Variants in SPATA6 observed in about 807,000 individuals in gnomAD.
The protein encoded by SPATA6 is spermatogenesis associated 6, also known as spermatogenesis-associated protein 6.
A neutral mutation model predicts 65.3 loss-of-function variants in SPATA6; 56 were observed. The ratio of observed to expected loss-of-function variants is 0.86; its 90% CI spans 0.69 to 1.07. SPATA6 has a LOEUF of 1.07. SPATA6 is among the 50% of genes least tolerant of loss of function. SPATA6 has a pLI of 0.00. For synonymous variants in SPATA6, 199 were observed against 213.2 expected (o/e 0.93, Z 0.58); for missense variants, 590 against 594.8 (o/e 0.99, Z 0.08).
intron 8 of SPATA6, among the ~76,000 whole-genome samples, chr1:48,387,613 G>C (rs1290442072): frequency 6.6e-6 from 1 of 152,106 alleles, no homozygotes; most frequent in Non-Finnish European, 1.5e-5. Flanking sequence ...GCCAGCACTT[G>C]TTCACATCAT....
chr1:48,323,139 G>A (rs886995878), intron 11 of SPATA6, among the ~76,000 whole-genome samples: 3 of 152,042 alleles, frequency 2.0e-5, no homozygotes, highest in African/African-American at 2.4e-5. Flanking sequence ...CTGCAGCACT[G>A]TTCATAAGAG....
intron 1 of SPATA6, among the ~76,000 whole-genome samples, chr1:48,462,204 G>T (rs1413105543): frequency 6.6e-6 from 1 of 151,734 alleles, no homozygotes; most frequent in Non-Finnish European, 1.5e-5. Flanking sequence ...TGGGGTGGGG[G>T]GAGCGGGGAG....
At chr1:48,436,776 C>T in intron 3 of SPATA6, 1 of 1,614,164 alleles carries the variant, frequency 6.2e-7, no homozygotes, top group East Asian at 2.2e-5. Context: ...CTTTCCAGGA[C>T]ATGCATAGAA....
the SPATA6 span, among the ~76,000 whole-genome samples, chr1:48,276,799 T>C: frequency 2.0e-5 from 3 of 152,244 alleles, no homozygotes. Flanking sequence ...GAGAAGAATG[T>C]ATATTATGTT....
intron 11 of SPATA6, among the ~76,000 whole-genome samples, chr1:48,309,491 T>C (rs965380096): frequency 6.6e-6 from 1 of 152,206 alleles, no homozygotes; most frequent in Non-Finnish European, 1.5e-5. Flanking sequence ...ACTTAAAAAA[T>C]AGTTTATAAC....
Position 48,365,534 on chromosome 1 carries a change from C to T in SPATA6, c.910-5764G>A, listed in dbSNP as rs563419645. On this transcript the variant is annotated intron_variant, in intron 9 of 12. Coordinates refer to ENST00000371847, the MANE Select transcript of SPATA6 (RefSeq NM_019073.4). ...CTTCACATCCCTTGTAAGTTGGATT[C>T]CTAGGTATTTTATTCTCTTTGAAGC... 5.9e-5 allele frequency among the ~76,000 whole-genome samples: 9 copies of T among 152,190 alleles called. 1 individual carries two copies. Among genetic ancestry groups the T allele is most frequent in the African/African-American group, 2.2e-4 (9 of 41,508 alleles).
chr1:48,337,235 A>G (rs1023167701), intron 11 of SPATA6, among the ~76,000 whole-genome samples: 2 of 151,974 alleles, frequency 1.3e-5, no homozygotes, highest in African/African-American at 4.8e-5. Context: ...CCATGGTTTA[A>G]GACTTGAAAA....
intron 1 of SPATA6, among the ~76,000 whole-genome samples, chr1:48,469,065 T>C (rs1198915096): frequency 6.6e-6 from 1 of 152,188 alleles, no homozygotes; most frequent in Non-Finnish European, 1.5e-5. Context: ...ACTCCTGGGC[T>C]CAGGTAATCC....
intron 1 of SPATA6, among the ~76,000 whole-genome samples, chr1:48,459,587 C>T (rs924110828): frequency 3.9e-5 from 6 of 151,976 alleles, no homozygotes; most frequent in Non-Finnish European, 7.4e-5. Flanking sequence ...AAGATATAAG[C>T]AATATTTACT....
the SPATA6 span, among the ~76,000 whole-genome samples, chr1:48,288,431 C>G: frequency 9.9e-5 from 15 of 152,182 alleles, no homozygotes; most frequent in Non-Finnish European, 1.8e-4. Context: ...ATGCAGAAGA[C>G]AGGTGATGTC....
intron 3 of SPATA6, among the ~76,000 whole-genome samples, chr1:48,421,119 G>A (rs1653290711): frequency 6.6e-6 from 1 of 152,218 alleles, no homozygotes; most frequent in East Asian, 1.9e-4. Context: ...TAATGCTGGT[G>A]ATCTATTGCA....
At chr1:48,360,800 T>C (rs1427662881) in intron 9 of SPATA6, among the ~76,000 whole-genome samples, 2 of 152,148 alleles carry the variant, frequency 1.3e-5, no homozygotes, top group African/African-American at 2.4e-5. Flanking sequence ...CATGCTGGCT[T>C]GGGCCAGAAT....
intron 1 of SPATA6, among the ~76,000 whole-genome samples, chr1:48,470,041 T>C (rs1285452892): frequency 6.6e-6 from 1 of 152,184 alleles, no homozygotes; most frequent in Non-Finnish European, 1.5e-5. Context: ...TTCTGTGACT[T>C]AAATGTTTGT....
intron 3 of SPATA6, among the ~76,000 whole-genome samples, chr1:48,424,065 A>G (rs1365820914): frequency 6.6e-6 from 1 of 152,066 alleles, no homozygotes; most frequent in African/African-American, 2.4e-5. Context: ...TAGTCACCCA[A>G]TTGTGCTATC....
chr1:48,277,221 G>A, the SPATA6 span, among the ~76,000 whole-genome samples: 11 of 151,818 alleles, frequency 7.2e-5, no homozygotes, highest in East Asian at 5.8e-4. Context: ...AATAGGAACC[G>A]CTCCGGTCTA....
chr1:48,434,697 G>GGTGTGT (rs150440127), intron 3 of SPATA6, among the ~76,000 whole-genome samples: 1 of 150,744 alleles, frequency 6.6e-6, no homozygotes, highest in Non-Finnish European at 1.5e-5. Context: ...CACTTACGGG[G>GGTGTGT]GTGTGTGTGT....
intron 5 of SPATA6, among the ~76,000 whole-genome samples, chr1:48,404,176 A>G (rs1651455885): frequency 6.6e-6 from 1 of 152,066 alleles, no homozygotes; most frequent in Non-Finnish European, 1.5e-5. Context: ...TTAAATTATG[A>G]TATATTATAG....
chr1:48,472,194 C>G lies in SPATA6; in HGVS notation c.-186G>C. The G allele has an allele frequency of 1.9e-6, 1 of 528,828 alleles. No individual in the cohort carries two copies. The highest frequency in any genetic ancestry group is 2.6e-5 in the South Asian group (1 of 38,336). The allele number at this position is 528,828 out of a possible 1,614,324, so 32.8% of individuals were successfully genotyped here. ...GAAGCAGCTGAGCGCGGGGCGCAGA[C>G]TCGTTGTCATGGCAGCCAGGAGGGG... On this transcript the variant is annotated 5_prime_UTR_variant, in exon 1 of 13. Coordinates refer to ENST00000371847, the MANE Select transcript of SPATA6 (RefSeq NM_019073.4).
chr1:48,458,532 G>T (rs1474330679), intron 1 of SPATA6, among the ~76,000 whole-genome samples: 1 of 152,000 alleles, frequency 6.6e-6, no homozygotes, highest in African/African-American at 2.4e-5. Context: ...GCTCATTTTT[G>T]GCTGTCTACT....
Sources: gnomAD v4.1 joint callset for allele counts (sites outside exome capture counted in the v4.1 genomes callset) on GRCh38, gnomAD v4.1.1 for gene constraint, MANE v1.5 for transcripts, NCBI Gene and HGNC (gene_info 2026-07-23, HGNC 2026-07-21) for gene names.